The following PTPRF variants were observed in gnomAD, a reference collection of about 807,000 sequenced individuals.
The protein encoded by PTPRF is receptor-type tyrosine-protein phosphatase F.
In PTPRF, 59 loss-of-function variants were observed where a neutral mutation model predicts 201.8. That is an observed-to-expected ratio of 0.29 (90% confidence interval 0.24 to 0.36). The LOEUF is 0.36. Among genes scored for constraint, PTPRF ranks in the 10% least tolerant of loss-of-function variants. The pLI is 1.00. For missense variants in PTPRF, 2,132 were observed against 2,690.5 expected, an observed-to-expected ratio of 0.79 and a Z score of 4.59; for synonymous variants, 1,088 against 1,089.7, an observed-to-expected ratio of 1.00 and a Z score of 0.03.
upstream of PTPRF, among the ~76,000 whole-genome samples, chr1:43,522,111 C>T (rs561835725): frequency 1.3e-5 from 2 of 152,326 alleles, no homozygotes; most frequent in South Asian, 4.1e-4. Context: ...GCTTCTTCCC[C>T]TTCTCTGTTC....
rs765949272 is a variant in PTPRF, at chr1:43,620,091, C to T, written c.5112-4C>T. The T allele has an allele frequency of 2.5e-6, 4 of 1,613,980 alleles. No individual in the cohort carries two copies. In the South Asian group the frequency reaches 4.4e-5, roughly 18 times the overall value. ...CAGCATGTCCAGTCTTATGTCCACC[C>T]CAGACAGCAGAAGGCCTACATAGCT... On this transcript the variant is annotated splice_region_variant and splice_polypyrimidine_tract_variant and intron_variant, in intron 29 of 33. Transcript: ENST00000359947.
At chr1:43,618,555 G>T in intron 25 of PTPRF, 75 bp from the exon 26 acceptor site, 1 of 1,535,606 alleles carries the variant, frequency 6.5e-7, no homozygotes, top group South Asian at 1.2e-5. Context: ...CCAGGGAGTT[G>T]ACCAGCCTCC....
rs753655848 is a variant in PTPRF, at chr1:43,604,067, G to A, written c.2915G>A (p.Arg972His). Residue 972 changes from arginine to histidine, a missense_variant, in exon 16 of 34, where the codon CGC becomes CAC. This residue lies in a region of PTPRF where 818 missense variants were observed against 915.3 expected (regional missense o/e 0.89). Coordinates refer to ENST00000359947, the MANE Select transcript of PTPRF (RefSeq NM_002840.5). ...QELQNITTDT[R>H]FTLTGLKPDT... ...CTGCAGAACATCACGACAGACACCC[G>A]CTTTACCCTTACTGGCCTCAAGCCA... The A allele has an allele frequency of 9.9e-6, 16 of 1,614,188 alleles. No homozygotes were observed. The highest frequency in any genetic ancestry group is 3.3e-5 in the Admixed American group (2 of 60,030).
chr1:43,619,666 C>T lies in PTPRF; in HGVS notation c.4933-14C>T. 1 of 1,613,632 alleles carries T rather than the reference C, an allele frequency of 6.2e-7. No individual in the cohort carries two copies. Among genetic ancestry groups the T allele is most frequent in the Non-Finnish European group, 8.5e-7 (1 of 1,179,708 alleles). On this transcript the variant is annotated splice_polypyrimidine_tract_variant and intron_variant, in intron 28 of 33. Transcript: ENST00000359947. Reference sequence around the variant, plus strand: ...ACAGGAAGCCTGGCCTGACCAATCCCTGCCTCTCAATAGTTGCTGGCCAGC... The same window carrying T: ...ACAGGAAGCCTGGCCTGACCAATCCTTGCCTCTCAATAGTTGCTGGCCAGC...
chr1:43,554,879 G>A lies in PTPRF; in HGVS notation c.379+938G>A, dbSNP rs1234214181. Among the ~76,000 whole-genome samples, 8 of 142,832 alleles carry A rather than the reference G, an allele frequency of 5.6e-5. No homozygotes were observed. The allele number at this position is 142,832 out of a possible 152,430, so 93.7% of individuals were successfully genotyped here. ...TTTCTTTTTTTTTTTTTGAGATGCAGTCTCACTCTTGTTGCCCAGGCTGGA... is the reference window on the plus strand; with the variant it reads ...TTTCTTTTTTTTTTTTTGAGATGCAATCTCACTCTTGTTGCCCAGGCTGGA... On this transcript the variant is annotated intron_variant, in intron 5 of 33. Coordinates refer to ENST00000359947, the MANE Select transcript of PTPRF (RefSeq NM_002840.5). This position sits in a 1 kb window ranked among gnomAD's most constrained non-coding sequence, Gnocchi z 4.1.
chr1:43,567,756 C>A (rs1646283725), intron 5 of PTPRF, among the ~76,000 whole-genome samples: 2 of 152,194 alleles, frequency 1.3e-5, no homozygotes, highest in Non-Finnish European at 2.9e-5. Flanking sequence ...TTACCTTCTT[C>A]ATGTCTGAGG....
rs1349099871 is a variant in PTPRF at position 43,603,921 on chromosome 1, T to C, written c.2769T>C (p.His923=). ...CCAGCGGCTTCCCCCAAAACCTGCATGTGACAGGACTGACCACGTCTACCA... is the reference window on the plus strand; with the variant it reads ...CCAGCGGCTTCCCCCAAAACCTGCACGTGACAGGACTGACCACGTCTACCA... The part of the protein sequence containing the change: ...DLPSGFPQNL[H]VTGLTTSTTE... The change falls in exon 16 of 34, where the codon CAT becomes CAC. Residue 923 remains histidine (H), a synonymous_variant. Coordinates refer to ENST00000359947, the MANE Select transcript of PTPRF (RefSeq NM_002840.5). The surrounding 1 kb of genome is among the most constrained non-coding windows in gnomAD (Gnocchi z 5.8). 3 of 1,613,870 alleles carry C rather than the reference T, an allele frequency of 1.9e-6. No individual in the cohort carries two copies. Among genetic ancestry groups the C allele is most frequent in the African/African-American group, 2.7e-5 (2 of 74,914 alleles).
chr1:43,602,129 C>T, intron 14 of PTPRF, 32 bp downstream of exon 14: 1 of 1,606,704 alleles, frequency 6.2e-7, no homozygotes, highest in Non-Finnish European at 8.5e-7. Flanking sequence ...GCGGACAAGA[C>T]ATGGGTCAAG....
Position 43,592,551 on chromosome 1 carries a change from TGGGGGTG to T in PTPRF, c.1766_1772del (p.Gly589AlafsTer23), listed in dbSNP as rs1651091843. On this transcript the variant is annotated frameshift_variant, in exon 11 of 34. Coordinates refer to ENST00000359947, the MANE Select transcript of PTPRF (RefSeq NM_002840.5). LOFTEE classifies it high-confidence loss of function. ...TTCCAGCTGGCTGCACGCTCGGATA[TGGGGGTG>T]GGCGTCTTCACCCCCACCATTGAGG... 1 of 1,610,846 alleles carries T rather than the reference TGGGGGTG, an allele frequency of 6.2e-7. No homozygotes were observed. Among genetic ancestry groups the T allele is most frequent in the African/African-American group, 1.3e-5 (1 of 74,610 alleles).
At position 43,618,741 on chromosome 1, in the gene PTPRF, C is replaced by T. The variant is rs1398514141; in HGVS notation, c.4483C>T (p.Leu1495Phe). Residue 1495 changes from leucine (L) to phenylalanine (F), a missense_variant, in exon 26 of 34, where the codon CTC becomes TTC. Leu to Phe is a conservative substitution (Grantham distance 22). Coordinates refer to ENST00000359947, the MANE Select transcript of PTPRF (RefSeq NM_002840.5). Reference sequence around the variant, plus strand: ...CACATACACTGTGCGCACCTTCGCACTCCACAAGGTATAGCCTTTCCCCAG... The same window carrying T: ...CACATACACTGTGCGCACCTTCGCATTCCACAAGGTATAGCCTTTCCCCAG... ...LATYTVRTFA[L>F]HKSGSSEKRE... The T allele has an allele frequency of 6.2e-7, 1 of 1,603,420 alleles. No homozygotes were observed. The highest frequency in any genetic ancestry group is 1.3e-5 in the African/African-American group (1 of 74,848).
chr1:43,599,444 A>G (rs1307675835), intron 13 of PTPRF, among the ~76,000 whole-genome samples: 2 of 152,102 alleles, frequency 1.3e-5, no homozygotes, highest in African/African-American at 4.8e-5. Context: ...TCCCACAGAA[A>G]GGGTAGAGAG....
chr1:43,522,375 G>GT (rs149825464), upstream of PTPRF, among the ~76,000 whole-genome samples: 658 of 152,252 alleles, frequency 4.3e-3, 3 homozygotes, highest in African/African-American at 0.013. Flanking sequence ...GTGACTGTTC[G>GT]TTTTTTCTCC....
Position 43,621,921 on chromosome 1 carries a change from C to T in PTPRF, c.5656-14C>T, listed in dbSNP as rs747770420. ...CTGGCGCGACCCACACTGACCAGCC[C>T]CCTATCCTGGCAGGACCAGTATCAG... On this transcript the variant is annotated splice_polypyrimidine_tract_variant and intron_variant, in intron 33 of 33. Transcript: ENST00000359947. 7 of 1,614,054 alleles carry T rather than the reference C, an allele frequency of 4.3e-6. No homozygotes were observed. The highest frequency in any genetic ancestry group is 1.7e-4 in the Middle Eastern group (1 of 6,060).
Position 43,603,739 on chromosome 1 carries a change from G to T in PTPRF, c.2587G>T (p.Ala863Ser). Residue 863 changes from alanine (A) to serine (S), a missense_variant, in exon 16 of 34, where the codon GCG (alanine) becomes TCG (serine). Transcript: ENST00000359947. This position sits in a 1 kb window ranked among gnomAD's most constrained non-coding sequence, Gnocchi z 5.8. ...YRLQYCRADE[A>S]RPNTIDFGKD... ...GCTGCAGTACTGCCGGGCCGACGAG[G>T]CGCGGCCCAACACCATAGATTTCGG... is the stretch of plus-strand genomic sequence containing the variant. 6.2e-7 allele frequency: 1 copy of T among 1,613,866 alleles called. No individual in the cohort carries two copies.
chr1:43,568,615 C>T lies in PTPRF; in HGVS notation c.380-975C>T, dbSNP rs145857597. Among the ~76,000 whole-genome samples the T allele has an allele frequency of 2.7e-3, 416 of 152,298 alleles. 2 individuals carry two copies. Among genetic ancestry groups the T allele is most frequent in the African/African-American group, 9.3e-3 (387 of 41,546 alleles). On this transcript the variant is annotated intron_variant, in intron 5 of 33. Transcript: ENST00000359947. ...GGCCCTAAAGCTAGTTCGTGGTGAA[C>T]GTGGGAGTCCCATTTGATCTATACT...
Position 43,588,684 on chromosome 1 carries a change from C to CCTCTGCCTCCAT in PTPRF, c.680-47_680-46insCTCTGCCTCCAT, listed in dbSNP as rs1557780220. ...AGGGGCCCCTGCCCTTCCATGCAGT[C>CCTCTGCCTCCAT]GTGTGTCCTGCCCGGCCTGTGAGTG... is the stretch of plus-strand genomic sequence containing the variant. On this transcript the variant is annotated intron_variant, in intron 7 of 33. Coordinates refer to ENST00000359947, the MANE Select transcript of PTPRF (RefSeq NM_002840.5). The surrounding 1 kb of genome is among the most constrained non-coding windows in gnomAD (Gnocchi z 5.3). 2 of 1,601,880 alleles carry CCTCTGCCTCCAT rather than the reference C, an allele frequency of 1.2e-6. No individual in the cohort carries two copies. Among genetic ancestry groups the CCTCTGCCTCCAT allele is most frequent in the Admixed American group, 3.4e-5 (2 of 59,548 alleles).
At chr1:43,528,909 G>C (rs1410925410), upstream of PTPRF, among the ~76,000 whole-genome samples, 1 of 152,190 alleles carries the variant, frequency 6.6e-6, no homozygotes, top group Non-Finnish European at 1.5e-5. Flanking sequence ...GGGCAGAGCA[G>C]GAGAAAAGAG....
rs1190522010 is a variant in PTPRF at position 43,603,287 on chromosome 1, C to T, written c.2341-129C>T. ...CCAGCAGAGGCCACCATTGTATAGC[C>T]CCACCTTCCACAACCCCTGGCCTTG... is the stretch of plus-strand genomic sequence containing the variant. On this transcript the variant is annotated intron_variant, in intron 14 of 33. Transcript: ENST00000359947. The surrounding 1 kb of genome is among the most constrained non-coding windows in gnomAD (Gnocchi z 5.8). 1.3e-6 allele frequency: 1 copy of T among 798,582 alleles called. No individual in the cohort carries two copies. Among genetic ancestry groups the T allele is most frequent in the African/African-American group, 1.7e-5 (1 of 59,056 alleles). 49.5% of individuals were successfully genotyped at this position (798,582 alleles called of 1,614,324 possible). A position where few individuals can be genotyped will look rare whatever the true frequency, so the allele number is the denominator to read the frequency against.
rs1222506087 is a variant in PTPRF, at chr1:43,598,061, G to A, written c.2119+8G>A. On this transcript the variant is annotated splice_region_variant and intron_variant, in intron 12 of 33. Coordinates refer to ENST00000359947, the MANE Select transcript of PTPRF (RefSeq NM_002840.5). ...TGCGCACCGATGAGGACGGTAGGCA[G>A]TGCCACCGGGGCGGGAGGGGAGGCG... 6.8e-7 allele frequency: 1 copy of A among 1,462,804 alleles called. No homozygotes were observed. Among genetic ancestry groups the A allele is most frequent in the East Asian group, 2.5e-5 (1 of 39,510 alleles). The allele number at this position is 1,462,804 out of a possible 1,614,324, so 90.6% of individuals were successfully genotyped here. A position where few individuals can be genotyped will look rare whatever the true frequency, so the allele number is the denominator to read the frequency against.
Sources: allele counts gnomAD v4.1 joint callset (sites outside exome capture counted in the v4.1 genomes callset), GRCh38; gene constraint gnomAD v4.1.1; regional missense constraint gnomAD v4.1.1; non-coding constraint Gnocchi (gnomAD v3.1); transcripts MANE v1.5; gene names NCBI Gene and HGNC (gene_info 2026-07-23, HGNC 2026-07-21).